The following TENM3 variants were observed in gnomAD, a reference collection of about 807,000 sequenced individuals.
The protein encoded by TENM3 is teneurin transmembrane protein 3, also known as teneurin-3.
Under a neutral mutation model 255.1 loss-of-function variants are expected in TENM3, and 63 were observed. The ratio of observed to expected loss-of-function variants is 0.25; its 90% CI spans 0.20 to 0.30. The LOEUF (loss-of-function observed/expected upper bound fraction) is 0.30. Among genes scored for constraint, TENM3 ranks in the 10% least tolerant of loss-of-function variants. The pLI is 1.00. For synonymous variants in TENM3, 1,306 were observed against 1,322.3 expected, an observed-to-expected ratio of 0.99 and a Z score of 0.27; for missense variants, 2,929 against 3,461.1, an observed-to-expected ratio of 0.85 and a Z score of 3.86.
chr4:182,010,794 G>C, the TENM3 span, among the ~76,000 whole-genome samples: 3 of 152,090 alleles, frequency 2.0e-5, no homozygotes, highest in Non-Finnish European at 4.4e-5. Flanking sequence ...CCTTAGCAAG[G>C]TCCTATATGT....
the TENM3 span, among the ~76,000 whole-genome samples, chr4:182,029,582 A>G: frequency 6.6e-6 from 1 of 152,114 alleles, no homozygotes; most frequent in South Asian, 2.1e-4. Context: ...GTCATCATAT[A>G]GTGATTTTCT....
At chr4:182,752,492 A>G (rs1298230705) in intron 20 of TENM3, among the ~76,000 whole-genome samples, 1 of 149,726 alleles carries the variant, frequency 6.7e-6, no homozygotes, top group Non-Finnish European at 1.5e-5. Context: ...GCCATGGGAA[A>G]AAATCCTTGC....
the TENM3 span, among the ~76,000 whole-genome samples, chr4:181,921,517 A>G: frequency 6.6e-6 from 1 of 152,172 alleles, no homozygotes; most frequent in African/African-American, 2.4e-5. Flanking sequence ...GAGTTCCCTC[A>G]TGATTTGGCT....
chr4:182,442,186 G>A (rs1163196145), intron 3 of TENM3, among the ~76,000 whole-genome samples: 2 of 152,046 alleles, frequency 1.3e-5, no homozygotes, highest in South Asian at 2.1e-4. Flanking sequence ...CTCATAAATC[G>A]TGTTCACAAA....
At chr4:181,493,972 AG>A in the TENM3 span, among the ~76,000 whole-genome samples, 36 of 152,302 alleles carry the variant, frequency 2.4e-4, 1 homozygote, top group East Asian at 6.8e-3. Context: ...AGTATCATAT[AG>A]GGCTAGGCAG....
Position 182,628,752 on chromosome 4 carries a change from G to T in TENM3, c.851G>T (p.Arg284Leu). Reference protein sequence around the residue: ...ASGSVYSPPTRPLPRNTLSRS... With the variant: ...ASGSVYSPPTLPLPRNTLSRS... ...GGCTCTGTTTATTCACCACCTACTC[G>T]GCCACTACCTAGAAACACCCTATCA... Residue 284 changes from arginine to leucine, a missense_variant, in exon 5 of 28, where the codon CGG (arginine) becomes CTG (leucine). Arg to Leu is a moderately radical substitution (Grantham distance 102). Around this residue, in one of 6 missense-constraint regions of TENM3, gnomAD observed 1,608 missense variants for 1,884.4 expected, o/e 0.85. Coordinates refer to ENST00000511685, the MANE Select transcript of TENM3 (RefSeq NM_001080477.4). 6.2e-7 allele frequency: 1 copy of T among 1,609,354 alleles called. No homozygotes were observed. Among genetic ancestry groups the T allele is most frequent in the Non-Finnish European group, 8.5e-7 (1 of 1,177,940 alleles).
intron 3 of TENM3, among the ~76,000 whole-genome samples, chr4:182,453,006 T>C (rs956788772): frequency 7.7e-6 from 1 of 130,362 alleles, no homozygotes; most frequent in African/African-American, 2.8e-5. Context: ...GTGTGTACTA[T>C]AGAGATTATT....
the TENM3 span, among the ~76,000 whole-genome samples, chr4:181,696,048 C>G: frequency 6.6e-6 from 1 of 151,852 alleles, no homozygotes; most frequent in African/African-American, 2.4e-5. Flanking sequence ...GTAAATGAGC[C>G]CCTTAAAGCC....
the TENM3 span, among the ~76,000 whole-genome samples, chr4:181,882,165 C>T: frequency 6.6e-6 from 1 of 152,294 alleles, no homozygotes; most frequent in East Asian, 1.9e-4. Flanking sequence ...ACTCTCCAGG[C>T]TGTGACTTCA....
intron 6 of TENM3, among the ~76,000 whole-genome samples, chr4:182,661,677 A>G (rs866377797): frequency 2.6e-5 from 4 of 152,192 alleles, no homozygotes; most frequent in African/African-American, 4.8e-5. Context: ...TCTCTCAGAG[A>G]TCTCAAAGCC....
At chr4:181,531,378 A>G in the TENM3 span, among the ~76,000 whole-genome samples, 2 of 152,232 alleles carry the variant, frequency 1.3e-5, no homozygotes, top group Non-Finnish European at 2.9e-5. Flanking sequence ...CTTTGGTGCT[A>G]TGACAACTAT....
the TENM3 span, among the ~76,000 whole-genome samples, chr4:181,456,127 ATGTG>A: frequency 8.5e-5 from 12 of 141,738 alleles, no homozygotes; most frequent in East Asian, 1.2e-3. Flanking sequence ...ATATATATAT[ATGTG>A]TGTGTGTGTG....
the TENM3 span, among the ~76,000 whole-genome samples, chr4:181,549,105 C>T: frequency 6.6e-6 from 1 of 152,118 alleles, no homozygotes; most frequent in East Asian, 1.9e-4. Context: ...TACTTGCTGT[C>T]CCTGAACATA....
intron 1 of TENM3, among the ~76,000 whole-genome samples, chr4:182,185,199 T>A (rs1753076073): frequency 6.6e-6 from 1 of 152,202 alleles, no homozygotes; most frequent in South Asian, 2.1e-4. Flanking sequence ...TCATTTACTT[T>A]CTTTTATCGA....
chr4:182,689,387 T>G (rs1756844260), intron 12 of TENM3, among the ~76,000 whole-genome samples: 1 of 152,162 alleles, frequency 6.6e-6, no homozygotes, highest in African/African-American at 2.4e-5. Context: ...CATGGGAAAA[T>G]TGAAATCATA....
At chr4:181,786,581 A>G in the TENM3 span, among the ~76,000 whole-genome samples, 17 of 152,070 alleles carry the variant, frequency 1.1e-4, no homozygotes, top group Non-Finnish European at 2.5e-4. Context: ...TCAGAAGAAC[A>G]GAGGCAAAGT....
At chr4:181,974,755 T>C in the TENM3 span, among the ~76,000 whole-genome samples, 88,194 of 151,454 alleles carry the variant, frequency 0.58, 26,408 homozygotes, top group African/African-American at 0.7. Context: ...GCAGAACTGA[T>C]ATGATCTTAC....
chr4:182,354,644 T>A (rs1765404260), intron 3 of TENM3, among the ~76,000 whole-genome samples: 1 of 152,228 alleles, frequency 6.6e-6, no homozygotes, highest in Admixed American at 6.5e-5. Flanking sequence ...ATTTACTGAA[T>A]GGTTTGAATA....
At chr4:182,071,608 A>G in the TENM3 span, among the ~76,000 whole-genome samples, 3 of 151,918 alleles carry the variant, frequency 2.0e-5, no homozygotes, top group African/African-American at 4.8e-5. Flanking sequence ...ACCACACCAC[A>G]TATTAGTTTT....
Sources: gnomAD v4.1 joint callset for allele counts (sites outside exome capture counted in the v4.1 genomes callset) on GRCh38, gnomAD v4.1.1 for gene constraint, gnomAD v4.1.1 regional missense constraint, MANE v1.5 for transcripts, NCBI Gene and HGNC (gene_info 2026-07-23, HGNC 2026-07-21) for gene names.